Variants in STAG1 observed in about 807,000 individuals in gnomAD.
STAG1 encodes the protein STAG1 cohesin complex component, also known as cohesin subunit SA-1.
A neutral mutation model predicts 170.9 loss-of-function variants in STAG1; 26 were observed. The ratio of observed to expected loss-of-function variants is 0.15; its 90% confidence interval spans 0.11 to 0.21. The LOEUF is 0.21. Ranked by LOEUF, STAG1 falls within the 10% of genes least tolerant of loss-of-function variation. The pLI, the probability that STAG1 is intolerant of heterozygous loss-of-function variation, is 1.00. For missense variants in STAG1, 964 were observed against 1,509.5 expected (o/e 0.64, Z 5.99); for synonymous variants, 514 against 497.7 (o/e 1.03, Z -0.44).
intron 5 of STAG1, among the ~76,000 whole-genome samples, chr3:136,566,196 G>C (rs150373675): frequency 5.9e-4 from 90 of 152,276 alleles, no homozygotes; most frequent in African/African-American, 2.1e-3. Flanking sequence ...TAGAAGGTGG[G>C]ACCTTTGGGA....
chr3:136,654,491 A>G (rs1458244309), intron 1 of STAG1, among the ~76,000 whole-genome samples: 4 of 152,260 alleles, frequency 2.6e-5, no homozygotes, highest in South Asian at 2.1e-4. Context: ...AAAGACACAA[A>G]TAAGTAAAAA....
intron 9 of STAG1, among the ~76,000 whole-genome samples, chr3:136,493,891 T>A (rs1020339079): frequency 1.3e-5 from 2 of 152,108 alleles, no homozygotes; most frequent in African/African-American, 4.8e-5. Context: ...ATGAATAACA[T>A]TATGCCATTA....
intron 4 of STAG1, among the ~76,000 whole-genome samples, chr3:136,589,466 T>C (rs1938031844): frequency 6.6e-6 from 1 of 151,968 alleles, no homozygotes; most frequent in Non-Finnish European, 1.5e-5. Context: ...ACTGTGCCAC[T>C]GCACTCCAGC....
At chr3:136,591,039 C>T (rs947654520) in intron 4 of STAG1, among the ~76,000 whole-genome samples, 3 of 151,062 alleles carry the variant, frequency 2.0e-5, no homozygotes, top group Admixed American at 6.6e-5. Context: ...CCATCTTTCA[C>T]TTTATGCTTT....
intron 1 of STAG1, among the ~76,000 whole-genome samples, chr3:136,708,442 T>C (rs1044325858): frequency 1.3e-5 from 2 of 152,042 alleles, no homozygotes; most frequent in African/African-American, 4.8e-5. Context: ...ATATTAGTGA[T>C]TGCCAGGAGA....
chr3:136,520,661 A>G (rs191512876), intron 7 of STAG1, among the ~76,000 whole-genome samples: 76 of 152,266 alleles, frequency 5.0e-4, no homozygotes, highest in Non-Finnish European at 3.2e-4. Context: ...AGTGAAAACT[A>G]ATCTGTTAGT....
chr3:136,519,415 C>T (rs1473843793), intron 7 of STAG1, among the ~76,000 whole-genome samples: 1 of 151,974 alleles, frequency 6.6e-6, no homozygotes. Flanking sequence ...TAACTTATTG[C>T]TTCTCCTTCT....
chr3:136,513,009 C>G (rs1320673177), intron 7 of STAG1, among the ~76,000 whole-genome samples: 1 of 152,044 alleles, frequency 6.6e-6, no homozygotes, highest in Non-Finnish European at 1.5e-5. Flanking sequence ...ATAATTAATA[C>G]CATCAACGAA....
chr3:136,402,966 G>A (rs1190486181), intron 21 of STAG1, among the ~76,000 whole-genome samples: 3 of 150,800 alleles, frequency 2.0e-5, no homozygotes, highest in Admixed American at 6.6e-5. Flanking sequence ...AGTGGCTCAC[G>A]CCTGTAATCC....
chr3:136,495,513 C>T (rs902688904), intron 9 of STAG1, among the ~76,000 whole-genome samples: 10 of 152,204 alleles, frequency 6.6e-5, no homozygotes, highest in East Asian at 5.8e-4. Context: ...CATCTGTTCA[C>T]GAACTTATAT....
chr3:136,424,756 T>C (rs1415325177), intron 16 of STAG1, among the ~76,000 whole-genome samples: 2 of 152,106 alleles, frequency 1.3e-5, no homozygotes, highest in Admixed American at 6.5e-5. Flanking sequence ...TCTAACAAAA[T>C]TGTATATATA....
intron 6 of STAG1, among the ~76,000 whole-genome samples, chr3:136,531,717 A>T (rs1225324659): frequency 1.4e-5 from 2 of 142,826 alleles, no homozygotes; most frequent in East Asian, 4.5e-4. Context: ...CAATGAGATC[A>T]CATGGACACA....
At chr3:136,725,900 C>G (rs746139847) in intron 1 of STAG1, among the ~76,000 whole-genome samples, 2 of 152,200 alleles carry the variant, frequency 1.3e-5, no homozygotes, top group African/African-American at 2.4e-5. Flanking sequence ...TCACAAATCA[C>G]TCAATTATTA....
At chr3:136,657,657 A>G (rs1409452104) in intron 1 of STAG1, among the ~76,000 whole-genome samples, 1 of 152,154 alleles carries the variant, frequency 6.6e-6, no homozygotes, top group Non-Finnish European at 1.5e-5. Context: ...CCCTGTCTCT[A>G]CTAAAAACAC....
At chr3:136,500,430 T>C in intron 8 of STAG1, 134 bp from the exon 9 acceptor site, 1 of 584,606 alleles carries the variant, frequency 1.7e-6, no homozygotes. Context: ...AGTACAGATG[T>C]GTGAAAATAC....
chr3:136,619,756 C>CAAAAAA (rs62857261), intron 3 of STAG1, among the ~76,000 whole-genome samples: 8 of 67,748 alleles, frequency 1.2e-4, no homozygotes, highest in East Asian at 4.1e-4. Flanking sequence ...GACTCTGTCT[C>CAAAAAA]AAAAAAAAAA....
intron 23 of STAG1, among the ~76,000 whole-genome samples, chr3:136,377,265 T>C (rs1173329258): frequency 1.4e-5 from 2 of 147,290 alleles, no homozygotes; most frequent in African/African-American, 2.5e-5. Context: ...CGGGTGCCTG[T>C]AGTCCCAGCT....
chr3:136,429,126 G>C (rs751699879), intron 16 of STAG1, among the ~76,000 whole-genome samples: 1 of 150,948 alleles, frequency 6.6e-6, no homozygotes, highest in African/African-American at 2.4e-5. Context: ...CAGAGCGCAG[G>C]CTGGGAGAGG....
intron 22 of STAG1, among the ~76,000 whole-genome samples, chr3:136,380,033 ACT>A (rs1314580356): frequency 2.6e-5 from 4 of 152,182 alleles, no homozygotes; most frequent in African/African-American, 9.7e-5. Context: ...TGTACCACAT[ACT>A]GTGTTCCCAG....
Sources: gnomAD v4.1 joint callset for allele counts (sites outside exome capture counted in the v4.1 genomes callset) on GRCh38, gnomAD v4.1.1 for gene constraint, MANE v1.5 for transcripts, NCBI Gene and HGNC (gene_info 2026-07-23, HGNC 2026-07-21) for gene names.